PGR: variants seen among roughly 807,000 people sequenced by gnomAD.
The protein encoded by PGR is nuclear receptor subfamily 3 group C member 3.
A neutral mutation model predicts 76.1 loss-of-function variants in PGR; 25 were observed. The ratio of observed to expected loss-of-function variants is 0.33; its 90% CI spans 0.24 to 0.46. The LOEUF (loss-of-function observed/expected upper bound fraction) is 0.46. Among genes scored for constraint, PGR ranks in the 20% least tolerant of loss-of-function variants. The pLI is 1.00. For synonymous variants in PGR, 579 were observed against 535.0 expected (o/e 1.08, Z -1.14); for missense variants, 1,172 against 1,225.3 (o/e 0.96, Z 0.65).
intron 3 of PGR, chr11:101,063,178 T>C (rs1002423652): frequency 6.5e-6 from 1 of 154,042 alleles, no homozygotes; most frequent in African/African-American, 2.4e-5. Context: ...AAACTTAGTC[T>C]ATAGTGGTTG....
At chr11:101,048,335 T>A (rs11571247) in intron 6 of PGR, among the ~76,000 whole-genome samples, 1 of 152,162 alleles carries the variant, frequency 6.6e-6, no homozygotes, top group South Asian at 2.1e-4. Flanking sequence ...GGTTTGTGCT[T>A]ATCCAATATT....
At chr11:101,108,559 T>C (rs1862248472) in intron 2 of PGR, among the ~76,000 whole-genome samples, 1 of 152,228 alleles carries the variant, frequency 6.6e-6, no homozygotes, top group South Asian at 2.1e-4. Flanking sequence ...AAATCTTCAA[T>C]CAGTTGCTAA....
intron 2 of PGR, among the ~76,000 whole-genome samples, chr11:101,125,199 A>T (rs980925922): frequency 2.6e-5 from 4 of 152,154 alleles, no homozygotes; most frequent in Non-Finnish European, 5.9e-5. Flanking sequence ...TTTATCTTCA[A>T]ATGTAAAGAT....
intron 3 of PGR, among the ~76,000 whole-genome samples, chr11:101,079,558 A>G (rs1861234929): frequency 6.6e-6 from 1 of 152,194 alleles, no homozygotes; most frequent in African/African-American, 2.4e-5. Flanking sequence ...TAAAACCACA[A>G]TAAGATATTA....
In PGR at chr11:101,128,060, G is replaced by T. The variant is rs34852313; in HGVS notation, c.1011C>A (p.Ser337Arg). 1.2e-6 allele frequency: 2 copies of T among 1,602,618 alleles called. No homozygotes were observed. The highest frequency in any genetic ancestry group is 1.1e-5 in the South Asian group (1 of 91,070). ...ESYDGGAGAA[S>R]AFAPPRSSPC... ...GTGAACTCCGCGGCGGGGCAAAGGCGCTGGCAGCCCCGGCCCCGCCGTCGT... is the reference window on the plus strand; with the variant it reads ...GTGAACTCCGCGGCGGGGCAAAGGCTCTGGCAGCCCCGGCCCCGCCGTCGT... The change falls in exon 1 of 8, where the codon AGC (serine) becomes AGA (arginine). Residue 337 changes from serine to arginine, a missense_variant. Ser to Arg is a moderately radical substitution (Grantham distance 110). Around this residue, in one of 4 missense-constraint regions of PGR, gnomAD observed 893 missense variants for 785.9 expected, o/e 1.14. Coordinates refer to ENST00000325455, the MANE Select transcript of PGR (RefSeq NM_000926.4).
At chr11:101,057,623 A>T (rs1334216300) in intron 4 of PGR, among the ~76,000 whole-genome samples, 1 of 152,188 alleles carries the variant, frequency 6.6e-6, no homozygotes. Flanking sequence ...GTAAAAAAAG[A>T]CCAGCACCAA....
chr11:101,116,840 T>G (rs1223426040), intron 2 of PGR, among the ~76,000 whole-genome samples: 1 of 151,906 alleles, frequency 6.6e-6, no homozygotes, highest in African/African-American at 2.4e-5. Flanking sequence ...TAGATAGCTC[T>G]CTATACCTAG....
intron 2 of PGR, among the ~76,000 whole-genome samples, chr11:101,103,834 T>C (rs1862067801): frequency 6.6e-6 from 1 of 152,222 alleles, no homozygotes; most frequent in Non-Finnish European, 1.5e-5. Context: ...AGTGAGTCCT[T>C]TTGATCTAAA....
intron 2 of PGR, among the ~76,000 whole-genome samples, chr11:101,105,037 G>C (rs549793497): frequency 6.6e-6 from 1 of 152,292 alleles, no homozygotes; most frequent in South Asian, 2.1e-4. Context: ...AGAGAGGAAA[G>C]AAGAAATTGC....
At chr11:101,065,810 G>A (rs1860693235) in intron 3 of PGR, among the ~76,000 whole-genome samples, 4 of 151,996 alleles carry the variant, frequency 2.6e-5, no homozygotes, top group Admixed American at 6.6e-5. Flanking sequence ...GAAAGCGGAT[G>A]GACATGGTGG....
intron 4 of PGR, among the ~76,000 whole-genome samples, chr11:101,053,727 C>T (rs1463004327): frequency 6.7e-6 from 1 of 150,282 alleles, no homozygotes; most frequent in African/African-American, 2.5e-5. Context: ...TTCTTCCTTC[C>T]CTCTCTTTCT....
rs1859479929 is a variant in PGR, at chr11:101,035,503, G to C, written c.*3613C>G. On this transcript the variant is annotated 3_prime_UTR_variant, in exon 8 of 8. Transcript: ENST00000325455. ...CTTCTTAGGGATAGGGATGTTTTTT[G>C]GGTTGATGACTTCATTGTAATTTCT... The C allele has an allele frequency of 4.3e-6, 1 of 232,008 alleles. No homozygotes were observed. Among genetic ancestry groups the C allele is most frequent in the Non-Finnish European group, 8.5e-6 (1 of 117,314 alleles). The allele number at this position is 232,008 out of a possible 1,614,324, so 14.4% of individuals were successfully genotyped here. A position where few individuals can be genotyped will look rare whatever the true frequency, so the allele number is the denominator to read the frequency against.
chr11:101,115,391 G>A (rs564277664), intron 2 of PGR, among the ~76,000 whole-genome samples: 10 of 152,052 alleles, frequency 6.6e-5, no homozygotes, highest in South Asian at 4.2e-4. Flanking sequence ...ATGATTGAAC[G>A]AAAACTATAT....
intron 4 of PGR, among the ~76,000 whole-genome samples, chr11:101,060,162 T>C (rs1382035837): frequency 1.3e-5 from 2 of 152,142 alleles, no homozygotes; most frequent in Non-Finnish European, 2.9e-5. Flanking sequence ...GCAACATAAG[T>C]ATTATGTATA....
At chr11:101,099,502 A>C (rs1443954196) in intron 2 of PGR, among the ~76,000 whole-genome samples, 1 of 152,126 alleles carries the variant, frequency 6.6e-6, no homozygotes, top group East Asian at 1.9e-4. Context: ...CCTACTGATA[A>C]GCTCTACATC....
At position 101,091,918 on chromosome 11, in the gene PGR, G is replaced by A. The variant is rs9282826; in HGVS notation, c.1790-42C>T. ...AGTCAAAATTATTTACAATATCTAAGATTCACTGGAAATTCTATGCAGTGA... is the reference window on the plus strand; with the variant it reads ...AGTCAAAATTATTTACAATATCTAAAATTCACTGGAAATTCTATGCAGTGA... On this transcript the variant is annotated intron_variant, in intron 2 of 7. Transcript: ENST00000325455. The A allele has an allele frequency of 3.1e-4, 308 of 990,258 alleles. 2 individuals carry two copies. In the African/African-American group the frequency reaches 4.2e-3, roughly 14 times the overall value. 61.3% of individuals were successfully genotyped at this position (990,258 alleles called of 1,614,324 possible). A position where few individuals can be genotyped will look rare whatever the true frequency, so the allele number is the denominator to read the frequency against.
At chr11:101,097,922 G>A (rs574936602) in intron 2 of PGR, among the ~76,000 whole-genome samples, 4 of 151,642 alleles carry the variant, frequency 2.6e-5, no homozygotes, top group Non-Finnish European at 4.4e-5. Context: ...AACTACAGGC[G>A]CCCACCACCA....
intron 4 of PGR, among the ~76,000 whole-genome samples, chr11:101,056,642 G>GAA (rs200810746): frequency 0.23 from 27,554 of 120,836 alleles, 3,983 homozygotes; most frequent in East Asian, 0.75. Context: ...CCTATCTCAA[G>GAA]AAAAAAAAAA....
At chr11:101,082,003 G>C (rs1861326237) in intron 3 of PGR, among the ~76,000 whole-genome samples, 1 of 152,142 alleles carries the variant, frequency 6.6e-6, no homozygotes. Flanking sequence ...CTTAATGTTT[G>C]GGGAGGGACC....
Sources: allele counts gnomAD v4.1 joint callset (sites outside exome capture counted in the v4.1 genomes callset), GRCh38; gene constraint gnomAD v4.1.1; regional missense constraint gnomAD v4.1.1; transcripts MANE v1.5; gene names NCBI Gene and HGNC (gene_info 2026-07-23, HGNC 2026-07-21).